The following TMEM114 variants were observed in gnomAD, a reference collection of about 807,000 sequenced individuals.
TMEM114 encodes claudin-26.
A neutral mutation model predicts 6.2 loss-of-function variants in TMEM114; 6 were observed. The observed-to-expected ratio is 0.97, with a 90% confidence interval of 0.53 to 1.91. TMEM114 has a LOEUF of 1.91. Among genes scored for constraint, TMEM114 ranks in the 40% most tolerant of loss-of-function variants. TMEM114 has a pLI of 0.01. For synonymous variants in TMEM114, 104 were observed against 73.0 expected (o/e 1.42, Z -2.16); for missense variants, 218 against 158.3 (o/e 1.38, Z -2.02).
chr16:8,536,217 T>C (rs1230872975), downstream of TMEM114, among the ~76,000 whole-genome samples: 1 of 144,768 alleles, frequency 6.9e-6, no homozygotes, highest in Non-Finnish European at 1.5e-5. Flanking sequence ...AGAGCGAAAC[T>C]CTGTCTCAAA....
chr16:8,539,199 G>T (rs913515584), intron 2 of TMEM114, among the ~76,000 whole-genome samples: 5 of 152,066 alleles, frequency 3.3e-5, no homozygotes, highest in African/African-American at 1.2e-4. Flanking sequence ...CTGAATAAAC[G>T]TTTGAGGATC....
intron 2 of TMEM114, among the ~76,000 whole-genome samples, chr16:8,586,509 C>CTT (rs201572145): frequency 2.7e-5 from 4 of 149,954 alleles, no homozygotes; most frequent in African/African-American, 9.8e-5. Context: ...TCTTATCATT[C>CTT]TTTTTTTTTG....
chr16:8,544,295 C>G (rs1008581966), intron 2 of TMEM114, among the ~76,000 whole-genome samples: 1 of 152,154 alleles, frequency 6.6e-6, no homozygotes, highest in South Asian at 2.1e-4. Context: ...AAGTGGTAAA[C>G]GAATACTCAA....
At chr16:8,575,182 C>T (rs1250312696) in intron 2 of TMEM114, among the ~76,000 whole-genome samples, 1 of 152,140 alleles carries the variant, frequency 6.6e-6, no homozygotes, top group African/African-American at 2.4e-5. Flanking sequence ...CTGTGACATA[C>T]AAGCTGTGTG....
At chr16:8,532,086 CT>C in the TMEM114 span, 4 of 152,176 alleles carry the variant, frequency 2.6e-5, no homozygotes, top group African/African-American at 7.2e-5. Context: ...TCAGGTGCCC[CT>C]AGTAACGTCT....
intron 2 of TMEM114, among the ~76,000 whole-genome samples, chr16:8,552,599 G>T (rs1900881879): frequency 6.6e-6 from 1 of 151,774 alleles, no homozygotes; most frequent in Non-Finnish European, 1.5e-5. Flanking sequence ...TTGCACTGCA[G>T]TTATGTAGGA....
intron 2 of TMEM114, among the ~76,000 whole-genome samples, chr16:8,574,331 C>T (rs562739059): frequency 1.3e-5 from 2 of 152,238 alleles, no homozygotes; most frequent in East Asian, 3.9e-4. Context: ...AGTGTTGCGT[C>T]CCGTAGAGCA....
Position 8,570,016 on chromosome 16 carries a change from G to T in TMEM114, c.440-11C>A. ...CGAGGGTCACCATGGCTGCAGGGAG[G>T]GCAAAGGGAGAGCAGATCAATCCCC... On this transcript the variant is annotated splice_polypyrimidine_tract_variant and intron_variant, in intron 3 of 3. Transcript: ENST00000620492. 6.5e-7 allele frequency: 1 copy of T among 1,544,672 alleles called. No homozygotes were observed. Among genetic ancestry groups the T allele is most frequent in the Non-Finnish European group, 8.8e-7 (1 of 1,142,308 alleles).
intron 2 of TMEM114, among the ~76,000 whole-genome samples, chr16:8,563,593 G>GTGAC (rs1491108380): frequency 1.3e-5 from 2 of 151,264 alleles, no homozygotes; most frequent in African/African-American, 2.5e-5. Context: ...GAGTGAATGA[G>GTGAC]TGTGTGAATG....
chr16:8,534,001 G>T (rs201912622), downstream of TMEM114, among the ~76,000 whole-genome samples: 1 of 152,174 alleles, frequency 6.6e-6, no homozygotes, highest in African/African-American at 2.4e-5. Flanking sequence ...GTACCTCTTT[G>T]TGAAGCCTGA....
the TMEM114 span, among the ~76,000 whole-genome samples, chr16:8,530,279 G>C: frequency 6.7e-6 from 1 of 149,530 alleles, no homozygotes; most frequent in Non-Finnish European, 1.5e-5. Flanking sequence ...GCATGATCAA[G>C]TCAATTGAGG....
intron 2 of TMEM114, among the ~76,000 whole-genome samples, chr16:8,564,235 T>C (rs62646484): frequency 4.1e-5 from 2 of 48,694 alleles, no homozygotes; most frequent in Non-Finnish European, 7.5e-5. Flanking sequence ...ATGAGTGAGT[T>C]AGTGAATGAG....
chr16:8,553,066 C>T (rs1184807949), intron 2 of TMEM114, among the ~76,000 whole-genome samples: 1 of 152,216 alleles, frequency 6.6e-6, no homozygotes, highest in East Asian at 1.9e-4. Context: ...CTTCCGACTT[C>T]TCATCCTCCC....
chr16:8,562,358 T>G (rs144764600), intron 2 of TMEM114, among the ~76,000 whole-genome samples: 6,456 of 54,932 alleles, frequency 0.12, 1 homozygote, highest in Middle Eastern at 0.19. Flanking sequence ...GTGAGTGAAT[T>G]AGTGAGTGAA....
intron 2 of TMEM114, among the ~76,000 whole-genome samples, chr16:8,558,964 C>T (rs1316163894): frequency 2.6e-5 from 4 of 151,790 alleles, no homozygotes; most frequent in African/African-American, 4.8e-5. Context: ...AGGATGGTCT[C>T]GATCTCCTGA....
At chr16:8,553,500 T>C (rs1441784815) in intron 2 of TMEM114, among the ~76,000 whole-genome samples, 1 of 152,088 alleles carries the variant, frequency 6.6e-6, no homozygotes, top group Non-Finnish European at 1.5e-5. Flanking sequence ...TTTCTTTTTT[T>C]TTTGAGACGG....
At chr16:8,566,059 C>A (rs532576183), downstream of TMEM114, among the ~76,000 whole-genome samples, 6 of 152,122 alleles carry the variant, frequency 3.9e-5, no homozygotes, top group South Asian at 2.1e-4. Context: ...GATTAAAATA[C>A]GGCAGGACAG....
chr16:8,544,760 A>G (rs912958274), intron 2 of TMEM114, among the ~76,000 whole-genome samples: 1 of 152,252 alleles, frequency 6.6e-6, no homozygotes, highest in Non-Finnish European at 1.5e-5. Context: ...TAGTAAGTTC[A>G]GTGATGCGTT....
At chr16:8,541,880 G>C (rs1371665219) in intron 2 of TMEM114, among the ~76,000 whole-genome samples, 1 of 152,146 alleles carries the variant, frequency 6.6e-6, no homozygotes, top group East Asian at 1.9e-4. Context: ...AAGGGGTCTG[G>C]CTTACAAAGA....
Sources: gnomAD v4.1 joint callset for allele counts (sites outside exome capture counted in the v4.1 genomes callset) on GRCh38, gnomAD v4.1.1 for gene constraint, MANE v1.5 for transcripts, NCBI Gene and HGNC (gene_info 2026-07-23, HGNC 2026-07-21) for gene names.